Variants in DNER observed in about 807,000 individuals in gnomAD.
DNER encodes the protein delta and Notch-like epidermal growth factor-related receptor.
Under a neutral mutation model 78.2 loss-of-function variants are expected in DNER, and 33 were observed. That is an observed-to-expected ratio of 0.42 (90% confidence interval 0.32 to 0.56). The LOEUF (loss-of-function observed/expected upper bound fraction) is 0.56, where lower values mean the gene tolerates loss of function less well. Ranked by LOEUF, DNER falls within the 20% of genes least tolerant of loss-of-function variation. The pLI, the probability that DNER is intolerant of heterozygous loss-of-function variation, is 0.11. For missense variants in DNER, 918 were observed against 975.3 expected (o/e 0.94, Z 0.78); for synonymous variants, 417 against 384.8 (o/e 1.08, Z -0.98).
chr2:229,448,931 T>C (rs1174439088), intron 7 of DNER, among the ~76,000 whole-genome samples: 1 of 152,212 alleles, frequency 6.6e-6, no homozygotes, highest in East Asian at 1.9e-4. Flanking sequence ...TTGTTGTTGT[T>C]AAGGACACAT....
At chr2:229,554,869 A>G (rs1374353193) in intron 4 of DNER, among the ~76,000 whole-genome samples, 3 of 51,020 alleles carry the variant, frequency 5.9e-5, no homozygotes, top group South Asian at 1.0e-3. Context: ...AGAGAAGAGA[A>G]GAGAAGAGAA....
At chr2:229,653,941 A>G (rs1698865233) in intron 1 of DNER, among the ~76,000 whole-genome samples, 1 of 152,216 alleles carries the variant, frequency 6.6e-6, no homozygotes. Flanking sequence ...AGTCATGAGG[A>G]CGTTCAGCAA....
At chr2:229,700,568 T>A (rs530951881) in intron 1 of DNER, among the ~76,000 whole-genome samples, 4 of 152,084 alleles carry the variant, frequency 2.6e-5, no homozygotes, top group African/African-American at 9.6e-5. Flanking sequence ...ATGTAAACAG[T>A]CACACAATGG....
At chr2:229,574,344 C>T (rs146974939) in intron 4 of DNER, among the ~76,000 whole-genome samples, 7 of 152,072 alleles carry the variant, frequency 4.6e-5, no homozygotes, top group East Asian at 1.9e-4. Flanking sequence ...AAGGAAGGAA[C>T]GAATTGTGTA....
At chr2:229,543,155 TA>T (rs983190864) in intron 5 of DNER, among the ~76,000 whole-genome samples, 15 of 144,986 alleles carry the variant, frequency 1.0e-4, no homozygotes, top group Middle Eastern at 3.6e-3. Flanking sequence ...CTTAAAGTAT[TA>T]AAAAAAAAAG....
intron 8 of DNER, among the ~76,000 whole-genome samples, chr2:229,433,080 C>T (rs1470176452): frequency 2.0e-5 from 3 of 152,262 alleles, no homozygotes; most frequent in Middle Eastern, 3.4e-3. Context: ...GCTGGGATTA[C>T]AGGTGCCTGC....
At chr2:229,667,476 T>C (rs945986684) in intron 1 of DNER, among the ~76,000 whole-genome samples, 1 of 129,356 alleles carries the variant, frequency 7.7e-6, no homozygotes, top group Non-Finnish European at 1.7e-5. Context: ...TGGGAGCAAA[T>C]AGACATCCTT....
intron 4 of DNER, among the ~76,000 whole-genome samples, chr2:229,574,143 G>T (rs1215781547): frequency 2.0e-5 from 3 of 152,126 alleles, no homozygotes; most frequent in African/African-American, 7.2e-5. Flanking sequence ...TGTCCTGAGC[G>T]AAAACTGGAA....
intron 5 of DNER, among the ~76,000 whole-genome samples, chr2:229,542,931 T>C (rs1320468902): frequency 6.6e-6 from 1 of 152,118 alleles, no homozygotes; most frequent in Admixed American, 6.5e-5. Context: ...ATCATTTGCT[T>C]AGAGTCACTG....
intron 11 of DNER, among the ~76,000 whole-genome samples, chr2:229,372,437 AC>A (rs1187497239): frequency 6.6e-6 from 1 of 152,142 alleles, no homozygotes; most frequent in African/African-American, 2.4e-5. Context: ...CAGGCAAAGA[AC>A]CAGAGTGAGC....
chr2:229,412,397 T>C (rs1364890027), intron 9 of DNER, among the ~76,000 whole-genome samples: 4 of 152,244 alleles, frequency 2.6e-5, no homozygotes, highest in African/African-American at 9.6e-5. Flanking sequence ...GCATTTGTTC[T>C]GTGCGAGCCA....
intron 11 of DNER, among the ~76,000 whole-genome samples, chr2:229,371,413 C>T (rs1371103210): frequency 1.3e-5 from 2 of 152,222 alleles, no homozygotes; most frequent in African/African-American, 4.8e-5. Flanking sequence ...GGGTTCATCT[C>T]ATCAGCCCCA....
At chr2:229,587,952 A>G (rs1697531908) in intron 3 of DNER, among the ~76,000 whole-genome samples, 1 of 152,010 alleles carries the variant, frequency 6.6e-6, no homozygotes, top group South Asian at 2.1e-4. Context: ...AGAAAACTGT[A>G]AAAATAAATA....
intron 12 of DNER, among the ~76,000 whole-genome samples, chr2:229,362,817 G>A (rs1692246128): frequency 6.6e-6 from 1 of 152,138 alleles, no homozygotes; most frequent in Admixed American, 6.6e-5. Context: ...AGTCTTGTGT[G>A]TCTATTTCTT....
At position 229,407,201 on chromosome 2, in the gene DNER, A is replaced by G; in HGVS notation, c.1723+31T>C. On this transcript the variant is annotated intron_variant, in intron 10 of 12. Coordinates refer to ENST00000341772, the MANE Select transcript of DNER (RefSeq NM_139072.4). The stretch of plus-strand genomic sequence containing the variant: ...TGCAATCTCGGGCACTTTGTGGTAA[A>G]TTTGAAAACTCAGTCCCTGGAATCA... The G allele has an allele frequency of 1.9e-6, 3 of 1,580,148 alleles. No homozygotes were observed. In the South Asian group the frequency reaches 3.4e-5, roughly 18 times the overall value.
intron 1 of DNER, among the ~76,000 whole-genome samples, chr2:229,627,399 A>T (rs1490757657): frequency 6.6e-6 from 1 of 152,256 alleles, no homozygotes; most frequent in South Asian, 2.1e-4. Context: ...GACATAACAG[A>T]TTTCAATTAA....
At chr2:229,621,702 G>A (rs879451742) in intron 1 of DNER, among the ~76,000 whole-genome samples, 1 of 150,680 alleles carries the variant, frequency 6.6e-6, no homozygotes, top group Non-Finnish European at 1.5e-5. Context: ...CACCTGGCCT[G>A]ACCCTCACTC....
At chr2:229,676,598 C>T (rs930182256) in intron 1 of DNER, among the ~76,000 whole-genome samples, 4 of 152,180 alleles carry the variant, frequency 2.6e-5, no homozygotes, top group African/African-American at 7.2e-5. Flanking sequence ...CCATCCATCC[C>T]TGTTTTCTGC....
chr2:229,504,037 C>T (rs1695682012), intron 6 of DNER, among the ~76,000 whole-genome samples: 1 of 151,966 alleles, frequency 6.6e-6, no homozygotes, highest in Admixed American at 6.6e-5. Flanking sequence ...AACTACCGTG[C>T]CCAGCTGAGT....
Sources: gnomAD v4.1 joint callset for allele counts (sites outside exome capture counted in the v4.1 genomes callset) on GRCh38, gnomAD v4.1.1 for gene constraint, MANE v1.5 for transcripts, NCBI Gene and HGNC (gene_info 2026-07-23, HGNC 2026-07-21) for gene names.